DEPTOR: variants seen among roughly 807,000 people sequenced by gnomAD.
DEPTOR encodes the protein DEP domain-containing mTOR-interacting protein.
A neutral mutation model predicts 41.6 loss-of-function variants in DEPTOR; 41 were observed. The observed-to-expected ratio is 0.98, with a 90% CI of 0.77 to 1.28. DEPTOR has a LOEUF of 1.28. Among genes scored for constraint, DEPTOR ranks in the 50% most tolerant of loss-of-function variants. The probability of loss-of-function intolerance (pLI) is 0.00; values close to 1 mark genes in which losing one functional copy is unlikely to be tolerated. For synonymous variants in DEPTOR, 195 were observed against 192.3 expected (o/e 1.01, Z -0.12); for missense variants, 514 against 527.9 (o/e 0.97, Z 0.26).
rs1812520455 is a variant in DEPTOR, at chr8:120,010,732, C to CT, written c.1101+1600dup. The stretch of plus-strand genomic sequence containing the variant: ...CTAATCTTCCCTAACTCAGAGATGA[C>CT]TACTGTTAACATTTTTTAAGCAGCT... On this transcript the variant is annotated intron_variant, in intron 8 of 8. Coordinates refer to ENST00000286234, the MANE Select transcript of DEPTOR (RefSeq NM_022783.4). Among the ~76,000 whole-genome samples the CT allele has an allele frequency of 3.3e-5, 5 of 152,108 alleles. No individual in the cohort carries two copies. In the South Asian group the frequency reaches 1.0e-3, roughly 32 times the overall value.
chr8:120,014,652 C>T (rs4871718), intron 8 of DEPTOR, among the ~76,000 whole-genome samples: 64,771 of 151,510 alleles, frequency 0.43, 14,412 homozygotes, highest in African/African-American at 0.53. Context: ...TTGAGCCTCC[C>T]GAGTAGCTGG....
intron 8 of DEPTOR, among the ~76,000 whole-genome samples, chr8:120,035,402 AG>A (rs1812966124): frequency 6.6e-6 from 1 of 152,154 alleles, no homozygotes; most frequent in Non-Finnish European, 1.5e-5. Context: ...TCAAAATTAC[AG>A]GGTATTCTAA....
intron 1 of DEPTOR, among the ~76,000 whole-genome samples, chr8:119,927,630 C>T (rs894232480): frequency 1.1e-4 from 17 of 149,134 alleles, no homozygotes; most frequent in African/African-American, 2.5e-4. Flanking sequence ...TATTTTAAGA[C>T]GGAGTTTCAC....
chr8:119,952,732 T>C (rs1221414458), intron 3 of DEPTOR, among the ~76,000 whole-genome samples: 1 of 152,234 alleles, frequency 6.6e-6, no homozygotes, highest in Admixed American at 6.5e-5. Context: ...GCTTCATCCA[T>C]GTCCCTGCAA....
intron 1 of DEPTOR, among the ~76,000 whole-genome samples, chr8:119,904,158 C>G (rs1032120857): frequency 4.0e-5 from 6 of 151,626 alleles, no homozygotes; most frequent in Admixed American, 2.0e-4. Flanking sequence ...AACTCCGTCT[C>G]CCAGGTTGGA....
chr8:119,958,571 C>T (rs1027208111), intron 3 of DEPTOR, among the ~76,000 whole-genome samples: 2 of 151,962 alleles, frequency 1.3e-5, no homozygotes, highest in African/African-American at 4.8e-5. Flanking sequence ...CACTTGAGGT[C>T]AGGAGTTTGA....
intron 3 of DEPTOR, among the ~76,000 whole-genome samples, chr8:119,959,437 A>G (rs1828461206): frequency 6.6e-6 from 1 of 151,904 alleles, no homozygotes; most frequent in Admixed American, 6.6e-5. Flanking sequence ...CTGGGATTAC[A>G]GGCATGAGCC....
intron 1 of DEPTOR, among the ~76,000 whole-genome samples, chr8:119,926,693 T>A (rs1471402579): frequency 1.3e-5 from 2 of 152,166 alleles, no homozygotes. Context: ...ACTGGATACC[T>A]CTCCTTTAGT....
At chr8:119,998,412 C>T (rs1005656608) in intron 4 of DEPTOR, among the ~76,000 whole-genome samples, 2 of 152,120 alleles carry the variant, frequency 1.3e-5, no homozygotes, top group African/African-American at 4.8e-5. Context: ...ATGTGTATTT[C>T]CATATTGACT....
At chr8:120,010,755 G>T (rs1350145420) in intron 8 of DEPTOR, among the ~76,000 whole-genome samples, 1 of 152,070 alleles carries the variant, frequency 6.6e-6, no homozygotes, top group African/African-American at 2.4e-5. Context: ...TTTTTAAGCA[G>T]CTTTATTTGA....
intron 1 of DEPTOR, among the ~76,000 whole-genome samples, chr8:119,915,311 T>C (rs943731365): frequency 9.9e-5 from 15 of 152,214 alleles, no homozygotes; most frequent in African/African-American, 3.4e-4. Context: ...GATCTTTCTA[T>C]ATATTTTGTC....
At chr8:119,876,841 A>G (rs1827237131) in intron 1 of DEPTOR, among the ~76,000 whole-genome samples, 1 of 152,178 alleles carries the variant, frequency 6.6e-6, no homozygotes, top group Non-Finnish European at 1.5e-5. Context: ...TGAAAAAGAC[A>G]ATGAAGATGA....
intron 8 of DEPTOR, among the ~76,000 whole-genome samples, chr8:120,042,114 G>T (rs920277167): frequency 6.6e-6 from 1 of 150,422 alleles, no homozygotes. Flanking sequence ...AAAAAGTATT[G>T]CAACCTTACT....
intron 8 of DEPTOR, among the ~76,000 whole-genome samples, chr8:120,022,885 C>G (rs949975457): frequency 6.6e-6 from 1 of 152,098 alleles, no homozygotes; most frequent in African/African-American, 2.4e-5. Flanking sequence ...CTGACCTGTA[C>G]CTGGAAGAGA....
intron 1 of DEPTOR, among the ~76,000 whole-genome samples, chr8:119,883,728 C>T (rs1827329264): frequency 6.6e-6 from 1 of 152,124 alleles, no homozygotes; most frequent in Admixed American, 6.5e-5. Context: ...TTGTGTCCTC[C>T]TATCTCCCTG....
chr8:120,010,329 T>C (rs1467575831), intron 8 of DEPTOR, among the ~76,000 whole-genome samples: 1 of 152,130 alleles, frequency 6.6e-6, no homozygotes, highest in Non-Finnish European at 1.5e-5. Context: ...ATGATACATA[T>C]ACGTGCCAGG....
intron 8 of DEPTOR, among the ~76,000 whole-genome samples, chr8:120,042,392 T>C (rs1813089539): frequency 6.6e-6 from 1 of 152,224 alleles, no homozygotes; most frequent in South Asian, 2.1e-4. Flanking sequence ...TACATAGTAA[T>C]ACCTACATTT....
At chr8:119,928,966 TAA>T (rs1386789012) in intron 2 of DEPTOR, among the ~76,000 whole-genome samples, 1 of 152,226 alleles carries the variant, frequency 6.6e-6, no homozygotes, top group Non-Finnish European at 1.5e-5. Flanking sequence ...CATATTGTTT[TAA>T]AAGTTTTCTA....
At chr8:120,032,333 C>G (rs1812904695) in intron 8 of DEPTOR, among the ~76,000 whole-genome samples, 1 of 151,824 alleles carries the variant, frequency 6.6e-6, no homozygotes, top group Non-Finnish European at 1.5e-5. Flanking sequence ...ATTCCTCTGC[C>G]TCAGCCTCCC....
Sources: allele counts gnomAD v4.1 joint callset (sites outside exome capture counted in the v4.1 genomes callset), GRCh38; gene constraint gnomAD v4.1.1; transcripts MANE v1.5; gene names NCBI Gene and HGNC (gene_info 2026-07-23, HGNC 2026-07-21).